Variants in SEZ6L observed in about 807,000 individuals in gnomAD.
SEZ6L encodes seizure related 6 homolog like.
Under a neutral mutation model 106.2 loss-of-function variants are expected in SEZ6L, and 37 were observed. The ratio of observed to expected loss-of-function variants is 0.35; its 90% CI spans 0.27 to 0.46. SEZ6L has a LOEUF of 0.46. Among genes scored for constraint, SEZ6L ranks in the 20% least tolerant of loss-of-function variants. The pLI, the probability that SEZ6L is intolerant of heterozygous loss-of-function variation, is 1.00. For missense variants in SEZ6L, 1,172 were observed against 1,332.8 expected (o/e 0.88, Z 1.88); for synonymous variants, 541 against 570.4 (o/e 0.95, Z 0.73).
chr22:26,305,723 T>G (rs371724209), intron 5 of SEZ6L, among the ~76,000 whole-genome samples: 3 of 152,336 alleles, frequency 2.0e-5, no homozygotes, highest in East Asian at 3.9e-4. Context: ...TGTTGATGGT[T>G]CCAATTGTAG....
At chr22:26,368,563 A>T (rs935098629) in intron 13 of SEZ6L, among the ~76,000 whole-genome samples, 7 of 152,360 alleles carry the variant, frequency 4.6e-5, no homozygotes, top group Admixed American at 6.5e-5. Context: ...CCATAGAGAC[A>T]GAAAGCAGAG....
At chr22:26,362,280 G>C (rs1297443741) in intron 12 of SEZ6L, among the ~76,000 whole-genome samples, 3 of 152,304 alleles carry the variant, frequency 2.0e-5, no homozygotes, top group African/African-American at 7.2e-5. Context: ...GGAATGCCAG[G>C]GGGCAAACTT....
At chr22:26,266,416 A>C (rs71321083) in intron 1 of SEZ6L, among the ~76,000 whole-genome samples, 1 of 145,948 alleles carries the variant, frequency 6.9e-6, no homozygotes. Flanking sequence ...AAAAAAAAAT[A>C]CAAAAATTTA....
chr22:26,272,498 CA>C (rs1335084203), intron 1 of SEZ6L, among the ~76,000 whole-genome samples: 1 of 152,164 alleles, frequency 6.6e-6, no homozygotes, highest in Non-Finnish European at 1.5e-5. Flanking sequence ...ATCTTATGCC[CA>C]GGGGAAAACT....
intron 1 of SEZ6L, among the ~76,000 whole-genome samples, chr22:26,273,097 A>C (rs984270766): frequency 6.6e-6 from 1 of 152,248 alleles, no homozygotes; most frequent in African/African-American, 2.4e-5. Context: ...GCTATTGTTC[A>C]TGGGTGGGGG....
chr22:26,230,734 C>A (rs938112948), intron 1 of SEZ6L, among the ~76,000 whole-genome samples: 17 of 152,036 alleles, frequency 1.1e-4, no homozygotes, highest in Non-Finnish European at 2.2e-4. Context: ...GAGAGAGCCC[C>A]GGGAAGAACC....
Position 26,169,593 on chromosome 22 carries a change from A to G in SEZ6L, c.-77A>G. 2.0e-6 allele frequency: 1 copy of G among 503,148 alleles called. No individual in the cohort carries two copies. Among genetic ancestry groups the G allele is most frequent in the Non-Finnish European group, 3.2e-6 (1 of 310,838 alleles). 31.2% of individuals were successfully genotyped at this position (503,148 alleles called of 1,614,324 possible). A position where few individuals can be genotyped will look rare whatever the true frequency, so the allele number is the denominator to read the frequency against. ...CGCTCCCGCTTCCCCTTTCTCGCTC[A>G]CCGCCGCCCTCCTTCCCCAGCTCCC... On this transcript the variant is annotated 5_prime_UTR_variant, in exon 1 of 17. Coordinates refer to ENST00000248933, the MANE Select transcript of SEZ6L (RefSeq NM_021115.5).
intron 12 of SEZ6L, chr22:26,351,498 T>C: frequency 4.6e-6 from 2 of 438,448 alleles, no homozygotes; most frequent in Non-Finnish European, 8.0e-6. Flanking sequence ...CCTGGGAGCA[T>C]AGTATACTTT....
intron 1 of SEZ6L, among the ~76,000 whole-genome samples, chr22:26,254,780 G>C (rs1335978957): frequency 1.3e-5 from 2 of 152,152 alleles, no homozygotes; most frequent in Non-Finnish European, 2.9e-5. Flanking sequence ...AGGAGGGTGA[G>C]TGTCAGGGGT....
chr22:26,340,292 C>T lies in SEZ6L; in HGVS notation c.2016-144C>T. 3 of 708,846 alleles carry T rather than the reference C, an allele frequency of 4.2e-6. No individual in the cohort carries two copies. In the South Asian group the frequency reaches 5.9e-5, roughly 14 times the overall value. 43.9% of individuals were successfully genotyped at this position (708,846 alleles called of 1,614,324 possible). A position where few individuals can be genotyped will look rare whatever the true frequency, so the allele number is the denominator to read the frequency against. On this transcript the variant is annotated intron_variant, in intron 9 of 16. Transcript: ENST00000248933. ...ATTTGCAGTCTATGTCAATCTTACC[C>T]TCAGCTTGGGGTTAAGACACATAGC...
At chr22:26,308,084 A>C (rs886924489) in intron 6 of SEZ6L, among the ~76,000 whole-genome samples, 3 of 152,234 alleles carry the variant, frequency 2.0e-5, no homozygotes, top group Non-Finnish European at 4.4e-5. Context: ...TGGGCCAAGA[A>C]GAAAAGAGAA....
rs2084448269 is a variant in SEZ6L, at chr22:26,382,735, G to A, written c.*2440G>A. ...TGAATGTGTATTTGTAATACGTAAA[G>A]GTAAAAAAAAATAGTGCCAAAAATG... On this transcript the variant is annotated 3_prime_UTR_variant, in exon 17 of 17. Coordinates refer to ENST00000248933, the MANE Select transcript of SEZ6L (RefSeq NM_021115.5). 6.7e-6 allele frequency: 1 copy of A among 148,814 alleles called. No individual in the cohort carries two copies. Among genetic ancestry groups the A allele is most frequent in the Admixed American group, 7.2e-5 (1 of 13,960 alleles). 9.2% of individuals were successfully genotyped at this position (148,814 alleles called of 1,614,324 possible).
intron 9 of SEZ6L, among the ~76,000 whole-genome samples, chr22:26,321,225 A>G (rs1186785386): frequency 6.6e-6 from 1 of 152,206 alleles, no homozygotes; most frequent in African/African-American, 2.4e-5. Context: ...AGATGAGTAA[A>G]CTGAGGCTCG....
chr22:26,212,543 CT>C (rs2078190738), intron 1 of SEZ6L, among the ~76,000 whole-genome samples: 1 of 152,176 alleles, frequency 6.6e-6, no homozygotes, highest in Admixed American at 6.5e-5. Flanking sequence ...CCACCTCAGC[CT>C]CCTGAGTAGC....
At chr22:26,317,974 G>C (rs1273650069) in intron 9 of SEZ6L, among the ~76,000 whole-genome samples, 1 of 152,100 alleles carries the variant, frequency 6.6e-6, no homozygotes, top group African/African-American at 2.4e-5. Flanking sequence ...AATTAGAGCT[G>C]TTGTGAGATT....
intron 1 of SEZ6L, among the ~76,000 whole-genome samples, chr22:26,275,149 G>A (rs1031199729): frequency 3.3e-5 from 5 of 152,170 alleles, no homozygotes; most frequent in Admixed American, 2.0e-4. Context: ...ATCCTTTACT[G>A]CACAGCAGTA....
intron 1 of SEZ6L, among the ~76,000 whole-genome samples, chr22:26,219,692 G>C (rs1490513619): frequency 6.6e-6 from 1 of 152,172 alleles, no homozygotes; most frequent in Non-Finnish European, 1.5e-5. Flanking sequence ...GAATAGGGAA[G>C]ATGTAATCTC....
intron 13 of SEZ6L, among the ~76,000 whole-genome samples, chr22:26,369,833 T>C (rs1386116438): frequency 1.3e-5 from 2 of 151,460 alleles, no homozygotes; most frequent in African/African-American, 4.9e-5. Flanking sequence ...CCCAAGCTGG[T>C]CTTGAACTCC....
At position 26,374,206 on chromosome 22, in the gene SEZ6L, C is replaced by A. The variant is rs117547983; in HGVS notation, c.2827+723C>A. On this transcript the variant is annotated intron_variant, in intron 14 of 16. Transcript: ENST00000248933. ...TACTGCATGTATATATATGTAAATACAAATGCAGTATATTATAGCATATAT... is the reference window on the plus strand; with the variant it reads ...TACTGCATGTATATATATGTAAATAAAAATGCAGTATATTATAGCATATAT... Among the ~76,000 whole-genome samples the A allele has an allele frequency of 9.1e-3, 1,367 of 150,224 alleles. 23 individuals are homozygous for A. The highest frequency in any genetic ancestry group is 9.6e-3 in the Non-Finnish European group (649 of 67,756).
Sources: gnomAD v4.1 joint callset for allele counts (sites outside exome capture counted in the v4.1 genomes callset) on GRCh38, gnomAD v4.1.1 for gene constraint, MANE v1.5 for transcripts, NCBI Gene and HGNC (gene_info 2026-07-23, HGNC 2026-07-21) for gene names.